Variants in TG observed in about 807,000 individuals in gnomAD.
TG encodes thyroid hormones.
Under a neutral mutation model 324.7 loss-of-function variants are expected in TG, and 270 were observed. That is an observed-to-expected ratio of 0.83 (90% CI 0.75 to 0.92). TG has a LOEUF of 0.92. Ranked by LOEUF, TG falls within the 40% of genes least tolerant of loss-of-function variation. TG has a pLI of 0.00. For missense variants in TG, 3,591 were observed against 3,456.4 expected (o/e 1.04, Z -0.98); for synonymous variants, 1,401 against 1,327.0 (o/e 1.06, Z -1.21).
intron 40 of TG, 118 bp downstream of exon 40, chr8:133,022,268 T>C: frequency 1.4e-6 from 2 of 1,428,132 alleles, no homozygotes; most frequent in Non-Finnish European, 2.0e-6. Flanking sequence ...AGGCACACAG[T>C]GGAAATTTTA....
intron 10 of TG, among the ~76,000 whole-genome samples, chr8:132,891,287 A>G (rs1276138335): frequency 6.6e-6 from 1 of 151,918 alleles, no homozygotes; most frequent in East Asian, 1.9e-4. Context: ...GTAGGAGGGG[A>G]GGGGATGCAG....
chr8:132,903,496 G>C (rs1818225802), intron 16 of TG, among the ~76,000 whole-genome samples: 1 of 152,232 alleles, frequency 6.6e-6, no homozygotes, highest in African/African-American at 2.4e-5. Context: ...AAAGCTGAGA[G>C]ATTTAATATA....
At chr8:133,078,407 C>T (rs776059204) in intron 41 of TG, among the ~76,000 whole-genome samples, 6 of 152,174 alleles carry the variant, frequency 3.9e-5, no homozygotes, top group African/African-American at 7.2e-5. Context: ...ATTGTGAGTT[C>T]GCTTCCATGT....
At chr8:132,955,946 C>T (rs1826799614) in intron 27 of TG, among the ~76,000 whole-genome samples, 1 of 152,214 alleles carries the variant, frequency 6.6e-6, no homozygotes, top group African/African-American at 2.4e-5. Flanking sequence ...CAGCCTTGAT[C>T]ACAGGGGCAG....
At chr8:132,987,042 C>A (rs1831645765) in intron 35 of TG, among the ~76,000 whole-genome samples, 1 of 151,762 alleles carries the variant, frequency 6.6e-6, no homozygotes, top group South Asian at 2.1e-4. Flanking sequence ...GTATTACTGA[C>A]ATGTGAATTA....
chr8:133,115,403 G>A (rs576205460), intron 44 of TG, among the ~76,000 whole-genome samples: 1 of 152,260 alleles, frequency 6.6e-6, no homozygotes, highest in South Asian at 2.1e-4. Context: ...TGCTCACAAT[G>A]CCTCAGGGTG....
chr8:133,034,208 G>GA (rs1315750541), intron 41 of TG, among the ~76,000 whole-genome samples: 1 of 151,730 alleles, frequency 6.6e-6, no homozygotes, highest in African/African-American at 2.4e-5. Context: ...ATTAATTTCA[G>GA]AAAAAAAACT....
intron 35 of TG, 62 bp from the exon 36 acceptor site, chr8:133,011,839 G>C: frequency 6.2e-7 from 1 of 1,612,180 alleles, no homozygotes; most frequent in Non-Finnish European, 8.5e-7. Flanking sequence ...GGTAATACAC[G>C]GCTGTCTTTG....
At chr8:133,017,111 T>A (rs908139614) in intron 37 of TG, among the ~76,000 whole-genome samples, 1 of 152,194 alleles carries the variant, frequency 6.6e-6, no homozygotes, top group Non-Finnish European at 1.5e-5. Flanking sequence ...GAGAAAGGTG[T>A]GGCTTTGAAT....
intron 35 of TG, among the ~76,000 whole-genome samples, chr8:132,986,372 ATATATATGTGTG>A (rs1015790626): frequency 3.1e-4 from 31 of 98,698 alleles, no homozygotes; most frequent in East Asian, 3.1e-3. Context: ...TATATATAGT[ATATATATGTGTG>A]TATATATGTG....
chr8:133,094,073 G>A (rs1410006946), intron 41 of TG, among the ~76,000 whole-genome samples: 2 of 152,030 alleles, frequency 1.3e-5, no homozygotes, highest in African/African-American at 4.8e-5. Flanking sequence ...GCTACGGGGA[G>A]CCCCATAGCG....
chr8:132,906,657 G>T, intron 16 of TG, 31 bp from the exon 17 acceptor site: 1 of 1,612,458 alleles, frequency 6.2e-7, no homozygotes, highest in Non-Finnish European at 8.5e-7. Context: ...CTGGGCAGGT[G>T]CCCACCACGG....
rs779297573 is a variant in TG, at chr8:132,882,808, C to T, written c.890-6C>T. ...CTGTCTTCTTTACTGTGTGGATTTC[C>T]TCTAGGCCCCACAAAATGTGAAGTG... On this transcript the variant is annotated splice_region_variant and splice_polypyrimidine_tract_variant and intron_variant, in intron 7 of 47. Transcript: ENST00000220616. 4 of 1,614,156 alleles carry T rather than the reference C, an allele frequency of 2.5e-6. No individual in the cohort carries two copies. Among genetic ancestry groups the T allele is most frequent in the Middle Eastern group, 1.6e-4 (1 of 6,062 alleles).
chr8:132,975,920 G>T (rs1266433889), intron 34 of TG, among the ~76,000 whole-genome samples: 1 of 152,178 alleles, frequency 6.6e-6, no homozygotes, highest in Non-Finnish European at 1.5e-5. Context: ...CAACATTCTT[G>T]TGCTGGGTCT....
intron 35 of TG, among the ~76,000 whole-genome samples, chr8:132,985,060 G>A (rs1391420381): frequency 6.6e-6 from 1 of 151,880 alleles, no homozygotes; most frequent in African/African-American, 2.4e-5. Flanking sequence ...TCTCATCCTG[G>A]CCTCCGTGTT....
chr8:133,089,710 C>A (rs1267341864), intron 41 of TG, among the ~76,000 whole-genome samples: 1 of 152,186 alleles, frequency 6.6e-6, no homozygotes, highest in Non-Finnish European at 1.5e-5. Context: ...TCATGCAATA[C>A]ATATTTTGAG....
At chr8:132,890,999 T>A (rs1406700805) in intron 10 of TG, among the ~76,000 whole-genome samples, 18 of 152,228 alleles carry the variant, frequency 1.2e-4, no homozygotes, top group Non-Finnish European at 8.8e-5. Context: ...TCTGAGAAGC[T>A]CAGAGACCAG....
chr8:133,018,626 A>C (rs1022744714), intron 38 of TG, among the ~76,000 whole-genome samples: 3 of 152,130 alleles, frequency 2.0e-5, no homozygotes, highest in Admixed American at 1.3e-4. Flanking sequence ...TTAAATAGCA[A>C]GCATATTGAA....
At chr8:133,021,876 C>A in intron 39 of TG, 115 bp from the exon 40 acceptor site, 1 of 1,312,240 alleles carries the variant, frequency 7.6e-7, no homozygotes, top group Non-Finnish European at 1.1e-6. Flanking sequence ...CTGCATGGGG[C>A]TAAGTATGCC....
Sources: allele counts gnomAD v4.1 joint callset (sites outside exome capture counted in the v4.1 genomes callset), GRCh38; gene constraint gnomAD v4.1.1; transcripts MANE v1.5; gene names NCBI Gene and HGNC (gene_info 2026-07-23, HGNC 2026-07-21).